The following CAMSAP1 variants were observed in gnomAD, a reference collection of about 807,000 sequenced individuals.
CAMSAP1 encodes the protein calmodulin regulated spectrin associated protein 1.
Under a neutral mutation model 143.5 loss-of-function variants are expected in CAMSAP1, and 58 were observed. That is an observed-to-expected ratio of 0.40 (90% CI 0.33 to 0.50). The LOEUF (loss-of-function observed/expected upper bound fraction) is 0.50, where lower values mean the gene tolerates loss of function less well. Ranked by LOEUF, CAMSAP1 falls within the 20% of genes least tolerant of loss-of-function variation. The pLI, the probability that CAMSAP1 is intolerant of heterozygous loss-of-function variation, is 0.45. For synonymous variants in CAMSAP1, 945 were observed against 859.3 expected (o/e 1.10, Z -1.74); for missense variants, 1,969 against 2,115.7 (o/e 0.93, Z 1.36).
chr9:135,848,630 T>C (rs1035764590), intron 7 of CAMSAP1, among the ~76,000 whole-genome samples: 3 of 152,206 alleles, frequency 2.0e-5, no homozygotes, highest in African/African-American at 7.2e-5. Flanking sequence ...GCCTTCATTA[T>C]CAGGAGAATC....
In CAMSAP1 at chr9:135,866,770, G is replaced by A. The variant is rs574929680; in HGVS notation, c.586-234C>T. Among the ~76,000 whole-genome samples the A allele has an allele frequency of 3.3e-5, 5 of 152,172 alleles. No homozygotes were observed. The South Asian group carries it at 1.0e-3, about 32-fold the overall frequency. ...GCCCCCGACCCCCACCCCAATGCCA[G>A]CGCAGTGCTCCCCCGTCACTGCGGG... On this transcript the variant is annotated intron_variant, in intron 3 of 16. Coordinates refer to ENST00000389532, the MANE Select transcript of CAMSAP1 (RefSeq NM_015447.4).
chr9:135,858,148 C>A (rs1177419105), intron 5 of CAMSAP1, among the ~76,000 whole-genome samples: 1 of 143,044 alleles, frequency 7.0e-6, no homozygotes, highest in Non-Finnish European at 1.6e-5. Context: ...CCCTCCTCCA[C>A]TTTGCCTTTT....
Position 135,821,327 on chromosome 9 carries a change from C to G in CAMSAP1, c.3334G>C (p.Asp1112His). 6.2e-7 allele frequency: 1 copy of G among 1,613,450 alleles called. No individual in the cohort carries two copies. Among genetic ancestry groups the G allele is most frequent in the Non-Finnish European group, 8.5e-7 (1 of 1,179,854 alleles). ...GRPAELKVPK[D>H]RPQGSSRSKT... ...CTTCGGGAGGAGCCCTGTGGCCTGT[C>G]TTTTGGGACCTTCAGCTCCGCCGGC... Residue 1112 changes from aspartate to histidine, a missense_variant, in exon 11 of 17, where the codon GAC (aspartate) becomes CAC (histidine). Asp to His is a moderately conservative substitution (Grantham distance 81, BLOSUM62 -1). This residue lies in a region of CAMSAP1 where 1,390 missense variants were observed against 1,420.8 expected (regional missense o/e 0.98). Transcript: ENST00000389532. The surrounding 1 kb of genome is among the most constrained non-coding windows in gnomAD (Gnocchi z 4.6).
chr9:135,854,064 C>A (rs1464485086), intron 5 of CAMSAP1, among the ~76,000 whole-genome samples: 1 of 152,250 alleles, frequency 6.6e-6, no homozygotes, highest in Non-Finnish European at 1.5e-5. Context: ...GAATAATCCC[C>A]TTTTGGGCCA....
At chr9:135,868,194 T>G (rs1414629112) in intron 3 of CAMSAP1, among the ~76,000 whole-genome samples, 1 of 151,242 alleles carries the variant, frequency 6.6e-6, no homozygotes, top group African/African-American at 2.4e-5. Context: ...CTAAAAGAAG[T>G]TTTTTAGGCT....
intron 3 of CAMSAP1, among the ~76,000 whole-genome samples, chr9:135,868,530 A>G (rs920649801): frequency 3.9e-5 from 6 of 152,104 alleles, no homozygotes; most frequent in Middle Eastern, 3.4e-3. Context: ...GAAAAAATTT[A>G]AATTTTGGAA....
intron 7 of CAMSAP1, among the ~76,000 whole-genome samples, chr9:135,843,565 A>T (rs1228677627): frequency 6.6e-6 from 1 of 152,096 alleles, no homozygotes; most frequent in Middle Eastern, 3.2e-3. Flanking sequence ...ATAATGGTAA[A>T]GGGATCAATG....
chr9:135,901,643 C>A (rs1045796180), intron 1 of CAMSAP1, among the ~76,000 whole-genome samples: 3 of 152,018 alleles, frequency 2.0e-5, no homozygotes, highest in Non-Finnish European at 4.4e-5. Context: ...ACAGGCAAGT[C>A]TTTGGCATTT....
rs776135476 is a variant in CAMSAP1, at chr9:135,822,137, G to C, written c.2524C>G (p.Pro842Ala). The change falls in exon 11 of 17, where the codon CCA becomes GCA. Residue 842 changes from proline to alanine, a missense_variant. Around this residue, in one of 4 missense-constraint regions of CAMSAP1, gnomAD observed 1,390 missense variants for 1,420.8 expected, o/e 0.98. Coordinates refer to ENST00000389532, the MANE Select transcript of CAMSAP1 (RefSeq NM_015447.4). This position sits in a 1 kb window ranked among gnomAD's most constrained non-coding sequence, Gnocchi z 6.1. ...SSTSSSQKTT[P>A]DASESCPAPL... ...GCTGGGCAGCTCTCAGACGCATCTG[G>C]CGTGGTCTTCTGGGAGCTGCTGGTG... 6.2e-7 allele frequency: 1 copy of C among 1,613,180 alleles called. No homozygotes were observed. Among genetic ancestry groups the C allele is most frequent in the East Asian group, 2.2e-5 (1 of 44,874 alleles).
intron 1 of CAMSAP1, among the ~76,000 whole-genome samples, chr9:135,886,448 G>A (rs369469173): frequency 8.5e-5 from 13 of 152,152 alleles, no homozygotes; most frequent in African/African-American, 2.9e-4. Flanking sequence ...GGGTGGGTAG[G>A]AGCGAGAGGA....
intron 3 of CAMSAP1, among the ~76,000 whole-genome samples, chr9:135,868,069 C>G (rs1022537527): frequency 1.5e-4 from 23 of 151,454 alleles, no homozygotes; most frequent in African/African-American, 5.3e-4. Flanking sequence ...TTCAGTCAAC[C>G]TAAAATTTTA....
chr9:135,827,425 G>T lies in CAMSAP1; in HGVS notation c.1205C>A (p.Pro402Gln), dbSNP rs138905606. Reference sequence around the variant, plus strand: ...GACTTACAGGTATTCAGGTTCTTCCGGGTGCAGGTAGTGCCTGTGACAGCC... The same window carrying T: ...GACTTACAGGTATTCAGGTTCTTCCTGGTGCAGGTAGTGCCTGTGACAGCC... ...AEGCHRHYLH[P>Q]EEPEYLGKGT... is the part of the protein sequence containing the mutation. Residue 402 changes from proline to glutamine, a missense_variant, in exon 8 of 17, where the codon CCG becomes CAG. By Grantham distance (76) the Pro-to-Gln change is moderately conservative. Around this residue, in one of 4 missense-constraint regions of CAMSAP1, gnomAD observed 1,390 missense variants for 1,420.8 expected, o/e 0.98. Coordinates refer to ENST00000389532, the MANE Select transcript of CAMSAP1 (RefSeq NM_015447.4). The T allele has an allele frequency of 6.4e-7, 1 of 1,570,580 alleles. No individual in the cohort carries two copies. The highest frequency in any genetic ancestry group is 2.3e-5 in the East Asian group (1 of 43,996).
chr9:135,818,144 G>C lies in CAMSAP1; in HGVS notation c.4169-65C>G. 1 of 1,507,358 alleles carries C rather than the reference G, an allele frequency of 6.6e-7. No homozygotes were observed. Among genetic ancestry groups the C allele is most frequent in the Non-Finnish European group, 9.1e-7 (1 of 1,094,378 alleles). The allele number at this position is 1,507,358 out of a possible 1,614,324, so 93.4% of individuals were successfully genotyped here. On this transcript the variant is annotated intron_variant, in intron 13 of 16. Transcript: ENST00000389532. The surrounding 1 kb of genome is among the most constrained non-coding windows in gnomAD (Gnocchi z 7.7). ...TCCGACAGACAAGTACCTGTCCCCT[G>C]TACCTGTTCCCCTCACCTCGCCCTG...
chr9:135,818,412 G>A lies in CAMSAP1; in HGVS notation c.4164C>T (p.Ser1388=), dbSNP rs760332999. 1.3e-6 allele frequency: 2 copies of A among 1,578,864 alleles called. No homozygotes were observed. The highest frequency in any genetic ancestry group is 2.3e-5 in the East Asian group (1 of 43,552). The part of the protein sequence containing the change: ...SCSDSGTKCS[S]TPDNLSRTQS... ...GTGAGGGCCGGGGCTGCTTACGGGT[G>A]GAGGAGCACTTGGTGCCGGAGTCGC... Residue 1388 remains serine (S), a synonymous_variant, in exon 13 of 17, where the codon TCC becomes TCT. Transcript: ENST00000389532. The surrounding 1 kb of genome is among the most constrained non-coding windows in gnomAD (Gnocchi z 7.7).
At chr9:135,844,765 C>A (rs964071323) in intron 7 of CAMSAP1, among the ~76,000 whole-genome samples, 1 of 152,276 alleles carries the variant, frequency 6.6e-6, no homozygotes. Flanking sequence ...ACTAGAAAAT[C>A]TAGAAGAAAC....
At chr9:135,813,940 C>T (rs1835140347) in intron 16 of CAMSAP1, among the ~76,000 whole-genome samples, 1 of 152,244 alleles carries the variant, frequency 6.6e-6, no homozygotes, top group Non-Finnish European at 1.5e-5. Flanking sequence ...TGCACAAGGC[C>T]TAGCCCCGCC....
At chr9:135,849,360 G>A (rs1836689571) in intron 7 of CAMSAP1, among the ~76,000 whole-genome samples, 1 of 152,236 alleles carries the variant, frequency 6.6e-6, no homozygotes, top group Non-Finnish European at 1.5e-5. Flanking sequence ...TTGCACCACG[G>A]TGAAGCTGAA....
intron 1 of CAMSAP1, among the ~76,000 whole-genome samples, chr9:135,888,870 C>T (rs1447347611): frequency 2.0e-5 from 3 of 152,202 alleles, no homozygotes; most frequent in East Asian, 3.9e-4. Flanking sequence ...CCAGGGACAA[C>T]CAGTAACAAA....
intron 3 of CAMSAP1, among the ~76,000 whole-genome samples, chr9:135,871,417 G>A (rs1049385500): frequency 1.3e-5 from 2 of 152,068 alleles, no homozygotes; most frequent in African/African-American, 4.8e-5. Flanking sequence ...TGAACTCCCT[G>A]GCTCAAGAAA....
Sources: gnomAD v4.1 joint callset for allele counts (sites outside exome capture counted in the v4.1 genomes callset) on GRCh38, gnomAD v4.1.1 for gene constraint, gnomAD v4.1.1 regional missense constraint, Gnocchi (gnomAD v3.1) non-coding constraint, MANE v1.5 for transcripts, NCBI Gene and HGNC (gene_info 2026-07-23, HGNC 2026-07-21) for gene names.